BCAS3: variants seen among roughly 807,000 people sequenced by gnomAD.
The protein encoded by BCAS3 is BCAS3 microtubule associated cell migration factor.
In BCAS3, 53 loss-of-function variants were observed where a neutral mutation model predicts 116.1. The observed-to-expected ratio is 0.46, with a 90% CI of 0.37 to 0.57. BCAS3 has a LOEUF of 0.57. Ranked by LOEUF, BCAS3 falls within the 20% of genes least tolerant of loss-of-function variation. BCAS3 has a pLI of 0.00. For missense variants in BCAS3, 917 were observed against 1,165.4 expected (o/e 0.79, Z 3.10); for synonymous variants, 391 against 408.2 (o/e 0.96, Z 0.51).
At chr17:60,930,766 C>CT (rs2059605134) in intron 13 of BCAS3, among the ~76,000 whole-genome samples, 1 of 151,880 alleles carries the variant, frequency 6.6e-6, no homozygotes, top group South Asian at 2.1e-4. Context: ...CCCTTTTAGT[C>CT]TTTTTAAAAG....
At position 61,029,309 on chromosome 17, in the gene BCAS3, G is replaced by T. The variant is rs2066469297; in HGVS notation, c.1638-5357G>T. 6.6e-6 allele frequency among the ~76,000 whole-genome samples: 1 copy of T among 151,856 alleles called. No individual in the cohort carries two copies. The highest frequency in any genetic ancestry group is 2.4e-5 in the African/African-American group (1 of 41,378). ...TTTACATTCATATACTTTCAGATGA[G>T]TCGTTATAAAATACAGTCGTTCCCT... On this transcript the variant is annotated intron_variant, in intron 16 of 23. Coordinates refer to ENST00000407086, the MANE Select transcript of BCAS3 (RefSeq NM_017679.5). The surrounding 1 kb of genome is among the most constrained non-coding windows in gnomAD (Gnocchi z 5.2).
At chr17:60,844,072 G>A (rs1042070147) in intron 7 of BCAS3, among the ~76,000 whole-genome samples, 4 of 151,940 alleles carry the variant, frequency 2.6e-5, no homozygotes, top group African/African-American at 9.7e-5. Flanking sequence ...TGGGTTCAAG[G>A]GATTCTCCTG....
At chr17:60,922,486 A>G (rs2059155096) in intron 12 of BCAS3, among the ~76,000 whole-genome samples, 1 of 150,878 alleles carries the variant, frequency 6.6e-6, no homozygotes, top group Non-Finnish European at 1.5e-5. Context: ...ATTGATAGGA[A>G]TAAGCACTCT....
chr17:60,758,539 C>T (rs939653414), intron 6 of BCAS3, among the ~76,000 whole-genome samples: 3 of 152,118 alleles, frequency 2.0e-5, no homozygotes, highest in Non-Finnish European at 2.9e-5. Context: ...CACCACCACT[C>T]CTGGCTAATT....
rs1016498760 is a variant in BCAS3 at position 61,259,231 on chromosome 17, T to G, written c.2426-109096T>G. Among the ~76,000 whole-genome samples the G allele has an allele frequency of 1.3e-5, 2 of 152,188 alleles. No individual in the cohort carries two copies. The highest frequency in any genetic ancestry group is 2.9e-5 in the Non-Finnish European group (2 of 68,026). Reference sequence around the variant, plus strand: ...ATTACTTGTATTTACATTTTTATTTTGAAAGAGCATGGGGAGTGTAAGCAG... The same window carrying G: ...ATTACTTGTATTTACATTTTTATTTGGAAAGAGCATGGGGAGTGTAAGCAG... On this transcript the variant is annotated intron_variant, in intron 22 of 23. Transcript: ENST00000407086. The surrounding 1 kb of genome is among the most constrained non-coding windows in gnomAD (Gnocchi z 4.7).
At chr17:61,293,658 A>G (rs989163072) in intron 22 of BCAS3, among the ~76,000 whole-genome samples, 35 of 152,232 alleles carry the variant, frequency 2.3e-4, no homozygotes, top group African/African-American at 6.0e-4. Flanking sequence ...AGGGATCAGC[A>G]CTGTCAAGTA....
intron 11 of BCAS3, among the ~76,000 whole-genome samples, chr17:60,909,972 G>A (rs1467875587): frequency 6.6e-6 from 1 of 152,002 alleles, no homozygotes; most frequent in Non-Finnish European, 1.5e-5. Context: ...TTAATATCTT[G>A]GACAGAGATT....
chr17:61,284,013 C>G (rs1169385054), intron 22 of BCAS3, among the ~76,000 whole-genome samples: 3 of 152,176 alleles, frequency 2.0e-5, no homozygotes, highest in African/African-American at 4.8e-5. Flanking sequence ...AGAGGTGAAG[C>G]CGGCTGGGCT....
rs560332623 is a variant in BCAS3, at chr17:60,945,073, A to T, written c.1088-2146A>T. ...TCATCAAAGAAAATTCTTGTACTGT[A>T]TAAAAAAACCCCTAGAACTTGCAGG... On this transcript the variant is annotated intron_variant, in intron 13 of 23. Coordinates refer to ENST00000407086, the MANE Select transcript of BCAS3 (RefSeq NM_017679.5). 4.6e-5 allele frequency among the ~76,000 whole-genome samples: 7 copies of T among 152,302 alleles called. No homozygotes were observed. The East Asian group carries it at 7.7e-4, about 17-fold the overall frequency.
chr17:61,064,809 G>C (rs2070441043), intron 19 of BCAS3, among the ~76,000 whole-genome samples: 2 of 152,186 alleles, frequency 1.3e-5, no homozygotes, highest in South Asian at 2.1e-4. Context: ...TGGTACTACA[G>C]GGTCAGGGCA....
intron 22 of BCAS3, among the ~76,000 whole-genome samples, chr17:61,253,565 G>C (rs890642867): frequency 2.6e-5 from 4 of 151,810 alleles, no homozygotes; most frequent in Non-Finnish European, 5.9e-5. Flanking sequence ...CCAGGAACTT[G>C]GCCTACGGCC....
intron 2 of BCAS3, among the ~76,000 whole-genome samples, chr17:60,682,211 C>T (rs76227463): frequency 1.1e-3 from 162 of 152,072 alleles, no homozygotes; most frequent in African/African-American, 3.6e-3. Flanking sequence ...GCACTTAACC[C>T]GGAGAACTAA....
intron 22 of BCAS3, among the ~76,000 whole-genome samples, chr17:61,291,873 G>A (rs1045883384): frequency 1.7e-4 from 26 of 152,152 alleles, no homozygotes; most frequent in Non-Finnish European, 2.9e-5. Flanking sequence ...TCAGTCCAGA[G>A]CAGTTTACAC....
At chr17:61,341,705 C>T (rs1456102462) in intron 22 of BCAS3, among the ~76,000 whole-genome samples, 5 of 152,172 alleles carry the variant, frequency 3.3e-5, no homozygotes, top group Non-Finnish European at 4.4e-5. Flanking sequence ...AGTCCAAAGC[C>T]GCAATGGTTG....
At chr17:61,147,512 T>C (rs550576343) in intron 22 of BCAS3, among the ~76,000 whole-genome samples, 1 of 152,282 alleles carries the variant, frequency 6.6e-6, no homozygotes, top group East Asian at 1.9e-4. Context: ...TGTGCACCAT[T>C]GTACCTGGGC....
At chr17:61,125,012 AGT>A (rs2075981460) in intron 22 of BCAS3, among the ~76,000 whole-genome samples, 1 of 152,146 alleles carries the variant, frequency 6.6e-6, no homozygotes, top group Non-Finnish European at 1.5e-5. Context: ...TTCATAGGAG[AGT>A]GTTTTAAATC....
chr17:60,704,529 T>G (rs2036859301), intron 4 of BCAS3, among the ~76,000 whole-genome samples: 1 of 152,074 alleles, frequency 6.6e-6, no homozygotes, highest in Non-Finnish European at 1.5e-5. Context: ...ACCTGGCCAG[T>G]AAGAGACTGC....
intron 22 of BCAS3, among the ~76,000 whole-genome samples, chr17:61,218,336 C>T (rs908284946): frequency 6.6e-6 from 1 of 152,108 alleles, no homozygotes; most frequent in South Asian, 2.1e-4. Context: ...TTGGGCTTAC[C>T]TTAAATTCTT....
At chr17:61,086,999 C>T in intron 22 of BCAS3, 1 of 985,242 alleles carries the variant, frequency 1.0e-6, no homozygotes, top group Non-Finnish European at 1.2e-6. Flanking sequence ...AACATCTAGG[C>T]TAACAAAAAT....
Sources: allele counts gnomAD v4.1 joint callset (sites outside exome capture counted in the v4.1 genomes callset), GRCh38; gene constraint gnomAD v4.1.1; non-coding constraint Gnocchi (gnomAD v3.1); transcripts MANE v1.5; gene names NCBI Gene and HGNC (gene_info 2026-07-23, HGNC 2026-07-21).